SEMA5A: variants seen among roughly 807,000 people sequenced by gnomAD.
SEMA5A encodes semaphorin-5A.
Under a neutral mutation model 135.5 loss-of-function variants are expected in SEMA5A, and 55 were observed. The observed-to-expected ratio is 0.41, with a 90% CI of 0.33 to 0.51. The LOEUF (loss-of-function observed/expected upper bound fraction) is 0.51, where lower values mean the gene tolerates loss of function less well. Among genes scored for constraint, SEMA5A ranks in the 20% least tolerant of loss-of-function variants. The pLI is 0.37. For missense variants in SEMA5A, 1,290 were observed against 1,419.9 expected, an observed-to-expected ratio of 0.91 and a Z score of 1.47; for synonymous variants, 580 against 546.5, an observed-to-expected ratio of 1.06 and a Z score of -0.85.
At chr5:9,357,064 C>G (rs897904916) in intron 3 of SEMA5A, among the ~76,000 whole-genome samples, 5 of 152,194 alleles carry the variant, frequency 3.3e-5, no homozygotes, top group Non-Finnish European at 7.3e-5. Flanking sequence ...AGGGCTTTGA[C>G]TGTTTCCTAC....
At chr5:9,357,915 A>G (rs964427762) in intron 3 of SEMA5A, among the ~76,000 whole-genome samples, 5 of 152,242 alleles carry the variant, frequency 3.3e-5, no homozygotes, top group Non-Finnish European at 5.9e-5. Flanking sequence ...CAGTTATTTA[A>G]CAAACATTAT....
At chr5:9,498,247 G>A (rs1735401456) in intron 1 of SEMA5A, among the ~76,000 whole-genome samples, 1 of 152,050 alleles carries the variant, frequency 6.6e-6, no homozygotes, top group Middle Eastern at 3.2e-3. Context: ...CTACTCCTCT[G>A]TCATAACCAT....
At chr5:9,153,069 GA>G (rs60994342) in intron 12 of SEMA5A, among the ~76,000 whole-genome samples, 113,625 of 143,296 alleles carry the variant, frequency 0.79, 44,704 homozygotes, top group East Asian at 0.92. Flanking sequence ...CTCCATTTCA[GA>G]AAAAAAAAAA....
At chr5:9,302,121 T>C (rs4379164) in intron 5 of SEMA5A, among the ~76,000 whole-genome samples, 21,210 of 152,148 alleles carry the variant, frequency 0.14, 1,570 homozygotes, top group South Asian at 0.19. Flanking sequence ...TCTGCATCTC[T>C]CTTCTAAAAA....
chr5:9,460,520 C>T (rs1403104592), intron 1 of SEMA5A, among the ~76,000 whole-genome samples: 2 of 151,902 alleles, frequency 1.3e-5, no homozygotes, highest in African/African-American at 4.8e-5. Flanking sequence ...TTCAATCTGT[C>T]TACTATTAAA....
At chr5:9,157,540 C>T (rs1467436607) in intron 11 of SEMA5A, among the ~76,000 whole-genome samples, 1 of 152,170 alleles carries the variant, frequency 6.6e-6, no homozygotes, top group Non-Finnish European at 1.5e-5. Flanking sequence ...TTCTCGTCCA[C>T]CCGCCCCTGT....
intron 16 of SEMA5A, among the ~76,000 whole-genome samples, chr5:9,088,659 T>TATATATATATACACACACACACACAC: frequency 8.9e-6 from 1 of 112,884 alleles, no homozygotes; most frequent in Admixed American, 8.3e-5. Flanking sequence ...TATATATATA[T>TATATATATATACACACACACACACAC]ACACACACAC....
At chr5:9,202,902 A>C (rs1394208774) in intron 8 of SEMA5A, among the ~76,000 whole-genome samples, 1 of 152,176 alleles carries the variant, frequency 6.6e-6, no homozygotes, top group Non-Finnish European at 1.5e-5. Flanking sequence ...AACCATTTAG[A>C]GGAGGGAAGA....
intron 3 of SEMA5A, among the ~76,000 whole-genome samples, chr5:9,346,421 G>C (rs570394415): frequency 6.6e-6 from 1 of 152,222 alleles, no homozygotes; most frequent in African/African-American, 2.4e-5. Flanking sequence ...GGAAACCATG[G>C]GGGCAGACAC....
rs931623121 is a variant in SEMA5A, at chr5:9,323,126, T to C, written c.225-4709A>G. ...TGAACAACTCCCTGCCCATACCTAA[T>C]TCTAAGAATATCCCTATTTCTTAAC... is the stretch of plus-strand genomic sequence containing the variant. On this transcript the variant is annotated intron_variant, in intron 4 of 22. Transcript: ENST00000382496. Among the ~76,000 whole-genome samples, 17 of 152,288 alleles carry C rather than the reference T, an allele frequency of 1.1e-4. No individual in the cohort carries two copies. In the East Asian group the frequency reaches 1.7e-3, roughly 16 times the overall value.
intron 5 of SEMA5A, among the ~76,000 whole-genome samples, chr5:9,294,839 C>T (rs2150593332): frequency 6.6e-6 from 1 of 152,278 alleles, no homozygotes; most frequent in African/African-American, 2.4e-5. Flanking sequence ...CATTCACTTT[C>T]ACTTGGTCTG....
rs1192310746 is a variant in SEMA5A, at chr5:9,037,363, A to G, written c.*5534T>C. The stretch of plus-strand genomic sequence containing the variant: ...TTTGAGACAGCTTTCACTAGGAAGT[A>G]TACATTTTGTGCCAGGCTCTGAATT... On this transcript the variant is annotated 3_prime_UTR_variant, in exon 23 of 23. Transcript: ENST00000382496. 1 of 152,202 alleles carries G rather than the reference A, an allele frequency of 6.6e-6. No homozygotes were observed. Among genetic ancestry groups the G allele is most frequent in the Non-Finnish European group, 1.5e-5 (1 of 68,030 alleles). 9.4% of individuals were successfully genotyped at this position (152,202 alleles called of 1,614,324 possible). A position where few individuals can be genotyped will look rare whatever the true frequency, so the allele number is the denominator to read the frequency against.
intron 4 of SEMA5A, among the ~76,000 whole-genome samples, chr5:9,336,070 G>A (rs1301885314): frequency 6.6e-6 from 1 of 152,132 alleles, no homozygotes; most frequent in Non-Finnish European, 1.5e-5. Context: ...AGGACTGCTG[G>A]TGGACCCTTG....
intron 13 of SEMA5A, among the ~76,000 whole-genome samples, chr5:9,134,357 A>G (rs1431740427): frequency 6.6e-6 from 1 of 152,222 alleles, no homozygotes; most frequent in African/African-American, 2.4e-5. Context: ...TATGTTGCCC[A>G]GGCTGGTCTC....
intron 5 of SEMA5A, among the ~76,000 whole-genome samples, chr5:9,241,096 A>G (rs1748167196): frequency 1.3e-5 from 2 of 152,154 alleles, no homozygotes; most frequent in South Asian, 4.1e-4. Flanking sequence ...TAGCAGTAAT[A>G]TTGTGGTTAC....
intron 2 of SEMA5A, among the ~76,000 whole-genome samples, chr5:9,381,942 T>TTGTGTGTGTGTGTGTGTG (rs148157627): frequency 1.5e-3 from 167 of 109,346 alleles, no homozygotes; most frequent in South Asian, 3.0e-3. Context: ...TAGAATCATT[T>TTGTGTGTGTGTGTGTGTG]TGTGTGTGTG....
At chr5:9,329,825 C>T (rs939824455) in intron 4 of SEMA5A, among the ~76,000 whole-genome samples, 2 of 152,150 alleles carry the variant, frequency 1.3e-5, no homozygotes, top group African/African-American at 4.8e-5. Flanking sequence ...ATGGATGCTC[C>T]AGTCCCTGAT....
At chr5:9,169,810 C>G (rs1216768354) in intron 11 of SEMA5A, among the ~76,000 whole-genome samples, 1 of 152,178 alleles carries the variant, frequency 6.6e-6, no homozygotes, top group Non-Finnish European at 1.5e-5. Context: ...TAATTACCCA[C>G]TCAGAACTAC....
chr5:9,409,443 G>A (rs902083308), intron 2 of SEMA5A, among the ~76,000 whole-genome samples: 1 of 152,148 alleles, frequency 6.6e-6, no homozygotes, highest in African/African-American at 2.4e-5. Context: ...TACTCATCTG[G>A]TAGGCTGAGT....
Sources: allele counts gnomAD v4.1 joint callset (sites outside exome capture counted in the v4.1 genomes callset), GRCh38; gene constraint gnomAD v4.1.1; transcripts MANE v1.5; gene names NCBI Gene and HGNC (gene_info 2026-07-23, HGNC 2026-07-21).